AUTS2: variants seen among roughly 807,000 people sequenced by gnomAD.
AUTS2 encodes activator of transcription and developmental regulator AUTS2, also known as autism susceptibility gene 2 protein.
Under a neutral mutation model 112.4 loss-of-function variants are expected in AUTS2, and 17 were observed. The ratio of observed to expected loss-of-function variants is 0.15; its 90% CI spans 0.10 to 0.23. The LOEUF is 0.23. Among genes scored for constraint, AUTS2 ranks in the 10% least tolerant of loss-of-function variants. The pLI, the probability that AUTS2 is intolerant of heterozygous loss-of-function variation, is 1.00. For synonymous variants in AUTS2, 751 were observed against 702.7 expected (o/e 1.07, Z -1.09); for missense variants, 1,510 against 1,701.6 (o/e 0.89, Z 1.98).
chr7:69,883,699 T>C (rs1306916623), intron 1 of AUTS2, among the ~76,000 whole-genome samples: 1 of 152,106 alleles, frequency 6.6e-6, no homozygotes, highest in African/African-American at 2.4e-5. Flanking sequence ...CAATTTTTGC[T>C]CCCAAACTGA....
chr7:69,674,108 G>T (rs1268683571), intron 1 of AUTS2, among the ~76,000 whole-genome samples: 1 of 152,144 alleles, frequency 6.6e-6, no homozygotes, highest in Non-Finnish European at 1.5e-5. Context: ...CTGTGTCTGG[G>T]ACAAGCCTCC....
At chr7:70,034,000 G>C (rs1389216840) in intron 2 of AUTS2, among the ~76,000 whole-genome samples, 1 of 152,108 alleles carries the variant, frequency 6.6e-6, no homozygotes, top group Non-Finnish European at 1.5e-5. Flanking sequence ...AATGTTAGAG[G>C]TGATGGGTAT....
intron 4 of AUTS2, among the ~76,000 whole-genome samples, chr7:70,419,200 A>G (rs1418297115): frequency 2.6e-5 from 4 of 152,074 alleles, no homozygotes; most frequent in Non-Finnish European, 5.9e-5. Flanking sequence ...AAAATTCTTT[A>G]TGAACTTTAA....
intron 4 of AUTS2, among the ~76,000 whole-genome samples, chr7:70,391,674 A>G (rs1793864611): frequency 2.0e-5 from 3 of 152,022 alleles, no homozygotes; most frequent in South Asian, 4.1e-4. Context: ...GCTAAAAAAT[A>G]ATAACAATAA....
intron 1 of AUTS2, among the ~76,000 whole-genome samples, chr7:69,850,172 G>A (rs976059716): frequency 1.3e-5 from 2 of 151,314 alleles, no homozygotes; most frequent in African/African-American, 4.9e-5. Flanking sequence ...AGTGGCATGC[G>A]CCTGTAGTCC....
At chr7:70,110,402 G>A (rs564623392) in intron 2 of AUTS2, among the ~76,000 whole-genome samples, 3 of 152,244 alleles carry the variant, frequency 2.0e-5, no homozygotes, top group African/African-American at 7.2e-5. Flanking sequence ...TGTAATCTCA[G>A]CTACTCGGGA....
intron 4 of AUTS2, among the ~76,000 whole-genome samples, chr7:70,393,534 T>G (rs1793956190): frequency 6.6e-6 from 1 of 152,144 alleles, no homozygotes; most frequent in South Asian, 2.1e-4. Context: ...GATGCCTCTC[T>G]GTGGTTCCTC....
chr7:70,335,295 A>G (rs1323707873), intron 4 of AUTS2, among the ~76,000 whole-genome samples: 1 of 152,110 alleles, frequency 6.6e-6, no homozygotes, highest in Non-Finnish European at 1.5e-5. Flanking sequence ...GTGCTCAAAG[A>G]TCTGCTTTAC....
intron 1 of AUTS2, among the ~76,000 whole-genome samples, chr7:69,826,188 A>G (rs1201817602): frequency 6.6e-6 from 1 of 152,180 alleles, no homozygotes; most frequent in Non-Finnish European, 1.5e-5. Flanking sequence ...TAGATTGAGA[A>G]GTATATTAAG....
intron 1 of AUTS2, among the ~76,000 whole-genome samples, chr7:69,645,831 AAC>A (rs1475280741): frequency 6.6e-6 from 1 of 152,060 alleles, no homozygotes; most frequent in Non-Finnish European, 1.5e-5. Context: ...GCCTATAAAA[AAC>A]ACATTTACAT....
intron 5 of AUTS2, among the ~76,000 whole-genome samples, chr7:70,488,169 C>A (rs894918435): frequency 1.3e-5 from 2 of 152,232 alleles, no homozygotes; most frequent in Non-Finnish European, 2.9e-5. Flanking sequence ...TGCAGAACAT[C>A]TGTCCTTGGA....
chr7:70,090,234 C>G (rs2129567481), intron 2 of AUTS2, among the ~76,000 whole-genome samples: 1 of 152,008 alleles, frequency 6.6e-6, no homozygotes, highest in East Asian at 1.9e-4. Flanking sequence ...AAGAATCTTA[C>G]AAGTGTATAC....
At chr7:69,663,535 A>G (rs1216004852) in intron 1 of AUTS2, among the ~76,000 whole-genome samples, 1 of 152,206 alleles carries the variant, frequency 6.6e-6, no homozygotes, top group Non-Finnish European at 1.5e-5. Context: ...GATTTGGTAT[A>G]GTTACTTAAA....
At chr7:69,899,728 A>T (rs1046072202) in intron 2 of AUTS2, among the ~76,000 whole-genome samples, 1 of 152,204 alleles carries the variant, frequency 6.6e-6, no homozygotes, top group African/African-American at 2.4e-5. Context: ...GATGTGCTTT[A>T]TGCAACAAAG....
chr7:70,363,005 A>G (rs1585058926), intron 4 of AUTS2, among the ~76,000 whole-genome samples: 1 of 152,336 alleles, frequency 6.6e-6, no homozygotes, highest in Middle Eastern at 3.4e-3. Flanking sequence ...AAGGAACAGA[A>G]GTCTTTGTGA....
At chr7:70,355,071 T>C (rs1039889047) in intron 4 of AUTS2, among the ~76,000 whole-genome samples, 1 of 150,808 alleles carries the variant, frequency 6.6e-6, no homozygotes, top group Non-Finnish European at 1.5e-5. Context: ...TATGGGTGTG[T>C]GTGTATATAT....
chr7:70,374,551 A>C (rs1792998104), intron 4 of AUTS2, among the ~76,000 whole-genome samples: 1 of 152,238 alleles, frequency 6.6e-6, no homozygotes, highest in Non-Finnish European at 1.5e-5. Context: ...TTTGATATGT[A>C]GTCAAAGGGC....
intron 5 of AUTS2, among the ~76,000 whole-genome samples, chr7:70,638,479 C>T (rs570986621): frequency 6.8e-4 from 103 of 152,266 alleles, no homozygotes; most frequent in African/African-American, 2.4e-3. Context: ...AGAGAATTTT[C>T]TGCAAATGAA....
At chr7:70,155,997 T>G (rs1008206492) in intron 4 of AUTS2, among the ~76,000 whole-genome samples, 2 of 152,164 alleles carry the variant, frequency 1.3e-5, no homozygotes, top group Non-Finnish European at 2.9e-5. Context: ...TTTGTTTTTT[T>G]CTCCTGTTGG....
Sources: gnomAD v4.1 joint callset for allele counts (sites outside exome capture counted in the v4.1 genomes callset) on GRCh38, gnomAD v4.1.1 for gene constraint, MANE v1.5 for transcripts, NCBI Gene and HGNC (gene_info 2026-07-23, HGNC 2026-07-21) for gene names.